Variants in DCDC2C observed in about 807,000 individuals in gnomAD.
DCDC2C encodes doublecortin domain containing 2C.
Under a neutral mutation model 45.0 loss-of-function variants are expected in DCDC2C, and 44 were observed. That is an observed-to-expected ratio of 0.98 (90% CI 0.77 to 1.26). DCDC2C has a LOEUF of 1.26. DCDC2C is among the 50% of genes most tolerant of loss of function. The pLI is 0.00. For synonymous variants in DCDC2C, 187 were observed against 178.8 expected, an observed-to-expected ratio of 1.05 and a Z score of -0.37; for missense variants, 447 against 468.9, an observed-to-expected ratio of 0.95 and a Z score of 0.43.
chr2:3,706,104 A>G (rs183504634), intron 1 of DCDC2C, among the ~76,000 whole-genome samples: 69 of 152,326 alleles, frequency 4.5e-4, no homozygotes, highest in African/African-American at 1.6e-3. Flanking sequence ...TTTCACTGGT[A>G]TTAGTAAAGT....
chr2:3,768,187 A>G (rs903340203), intron 7 of DCDC2C, among the ~76,000 whole-genome samples: 5 of 152,174 alleles, frequency 3.3e-5, no homozygotes, highest in African/African-American at 9.7e-5. Flanking sequence ...GTAGAAAACA[A>G]CAAATAAATC....
At chr2:3,838,750 A>C (rs1672142858) in intron 10 of DCDC2C, among the ~76,000 whole-genome samples, 1 of 152,184 alleles carries the variant, frequency 6.6e-6, no homozygotes. Context: ...CTGTGTCCTC[A>C]GGAGAGTCAC....
chr2:3,766,813 A>G (rs1670025949), intron 6 of DCDC2C, among the ~76,000 whole-genome samples: 1 of 152,258 alleles, frequency 6.6e-6, no homozygotes, highest in Non-Finnish European at 1.5e-5. Flanking sequence ...TTTGTATCAT[A>G]AAGATAGTTT....
In DCDC2C at chr2:3,734,861, G is replaced by A. The variant is rs1668975624; in HGVS notation, c.417-7059G>A. ...AGTTCAAGGTGGGGGTGAAAGTACA[G>A]AGCCCTTCAGGTTCATGAAAGTGTC... On this transcript the variant is annotated intron_variant, in intron 3 of 10. Coordinates refer to ENST00000399143, the MANE Select transcript of DCDC2C (RefSeq NM_001287444.2). The surrounding 1 kb of genome is among the most constrained non-coding windows in gnomAD (Gnocchi z 4.2). 6.6e-6 allele frequency among the ~76,000 whole-genome samples: 1 copy of A among 152,190 alleles called. No homozygotes were observed. Among genetic ancestry groups the A allele is most frequent in the Admixed American group, 6.5e-5 (1 of 15,288 alleles).
At chr2:3,808,427 C>G (rs969730909) in intron 10 of DCDC2C, among the ~76,000 whole-genome samples, 2 of 151,926 alleles carry the variant, frequency 1.3e-5, no homozygotes, top group Non-Finnish European at 2.9e-5. Flanking sequence ...GGTTCTCGCT[C>G]TGTTACCAGG....
chr2:3,835,931 A>G (rs942686957), intron 10 of DCDC2C, among the ~76,000 whole-genome samples: 7 of 152,066 alleles, frequency 4.6e-5, no homozygotes, highest in African/African-American at 1.7e-4. Flanking sequence ...TTTTGTAGAG[A>G]CAGGGTCTTG....
rs766841814 is a variant in DCDC2C at position 3,754,681 on chromosome 2, C to T, written c.726+47C>T. On this transcript the variant is annotated intron_variant, in intron 6 of 10. Coordinates refer to ENST00000399143, the MANE Select transcript of DCDC2C (RefSeq NM_001287444.2). Reference sequence around the variant, plus strand: ...GTAAGTAACTTGTTTCTGATTCTGGCGTCTTCTGGCATTAACAAGGGCACA... The same window carrying T: ...GTAAGTAACTTGTTTCTGATTCTGGTGTCTTCTGGCATTAACAAGGGCACA... 65 of 1,509,928 alleles carry T rather than the reference C, an allele frequency of 4.3e-5. 2 individuals are homozygous for T. The East Asian group carries it at 6.4e-4, about 15-fold the overall frequency. 93.5% of individuals were successfully genotyped at this position (1,509,928 alleles called of 1,614,324 possible). A position where few individuals can be genotyped will look rare whatever the true frequency, so the allele number is the denominator to read the frequency against.
intron 10 of DCDC2C, among the ~76,000 whole-genome samples, chr2:3,791,302 C>T (rs530566748): frequency 1.3e-5 from 2 of 152,184 alleles, no homozygotes; most frequent in Admixed American, 6.5e-5. Context: ...ATGGATGAAC[C>T]AATCGCCTTT....
At chr2:3,727,199 C>A in intron 3 of DCDC2C, 120 bp downstream of exon 3, 1 of 762,744 alleles carries the variant, frequency 1.3e-6, no homozygotes, top group Non-Finnish European at 2.2e-6. Flanking sequence ...TCCCCTCCCC[C>A]TGCTCTCTTG....
At chr2:3,780,968 C>G (rs376936160) in intron 9 of DCDC2C, among the ~76,000 whole-genome samples, 2 of 152,142 alleles carry the variant, frequency 1.3e-5, no homozygotes, top group East Asian at 3.9e-4. Flanking sequence ...TCGTAGATAC[C>G]GTTGCTTCGC....
chr2:3,832,089 C>G (rs114384560), intron 10 of DCDC2C, among the ~76,000 whole-genome samples: 2 of 152,084 alleles, frequency 1.3e-5, no homozygotes, highest in Non-Finnish European at 2.9e-5. Flanking sequence ...CACCTGATTT[C>G]GATTGTGCAT....
At chr2:3,769,110 G>A (rs767237402) in intron 7 of DCDC2C, 12 of 541,106 alleles carry the variant, frequency 2.2e-5, no homozygotes, top group Non-Finnish European at 4.0e-5. Flanking sequence ...AGGCCACCAC[G>A]CTGAGCACCT....
intron 2 of DCDC2C, among the ~76,000 whole-genome samples, chr2:3,725,728 G>GGTGGATC (rs1668649143): frequency 1.0e-5 from 1 of 95,368 alleles, no homozygotes; most frequent in Non-Finnish European, 2.5e-5. Context: ...GACGAGGCTG[G>GGTGGATC]CCAGGTGGAT....
At chr2:3,816,293 C>T (rs930964880) in intron 10 of DCDC2C, among the ~76,000 whole-genome samples, 1 of 82,670 alleles carries the variant, frequency 1.2e-5, no homozygotes. Flanking sequence ...CCAGGTCATC[C>T]AATTAGAGAG....
chr2:3,800,611 C>T (rs970199475), intron 10 of DCDC2C, among the ~76,000 whole-genome samples: 5 of 149,730 alleles, frequency 3.3e-5, no homozygotes, highest in African/African-American at 1.2e-4. Flanking sequence ...CACATAAGTG[C>T]TTTTTCTTGA....
intron 10 of DCDC2C, among the ~76,000 whole-genome samples, 197 bp from the exon 11 acceptor site, chr2:3,846,957 C>T (rs947803835): frequency 2.6e-5 from 4 of 152,190 alleles, no homozygotes; most frequent in African/African-American, 4.8e-5. Context: ...TTCTGCACGG[C>T]GGCATGTTGC....
At chr2:3,727,522 G>A (rs1364546292) in intron 3 of DCDC2C, among the ~76,000 whole-genome samples, 1 of 152,120 alleles carries the variant, frequency 6.6e-6, no homozygotes, top group Non-Finnish European at 1.5e-5. Flanking sequence ...CTACCAAAAG[G>A]CCCTCATGGG....
chr2:3,799,929 A>C (rs933235216), intron 10 of DCDC2C, among the ~76,000 whole-genome samples: 15 of 152,202 alleles, frequency 9.9e-5, no homozygotes, highest in Non-Finnish European at 1.8e-4. Flanking sequence ...TTGTTTACCT[A>C]AGCAATCCTG....
intron 10 of DCDC2C, chr2:3,788,363 C>T (rs1020575655): frequency 1.2e-4 from 19 of 152,154 alleles, no homozygotes; most frequent in African/African-American, 3.9e-4. Flanking sequence ...CAGAATACAC[C>T]GGGTGTGTAG....
Sources: gnomAD v4.1 joint callset for allele counts (sites outside exome capture counted in the v4.1 genomes callset) on GRCh38, gnomAD v4.1.1 for gene constraint, Gnocchi (gnomAD v3.1) non-coding constraint, MANE v1.5 for transcripts, NCBI Gene and HGNC (gene_info 2026-07-23, HGNC 2026-07-21) for gene names.